Variants in OPRM1 observed in about 807,000 individuals in gnomAD.
OPRM1 encodes mu-type opioid receptor.
In OPRM1, 27 loss-of-function variants were observed where a neutral mutation model predicts 31.8. The ratio of observed to expected loss-of-function variants is 0.85; its 90% confidence interval spans 0.63 to 1.17. The LOEUF is 1.17. Ranked by LOEUF, OPRM1 falls within the 50% of genes most tolerant of loss-of-function variation. OPRM1 has a pLI of 0.00. For synonymous variants in OPRM1, 196 were observed against 189.9 expected, an observed-to-expected ratio of 1.03 and a Z score of -0.26; for missense variants, 536 against 511.1, an observed-to-expected ratio of 1.05 and a Z score of -0.47.
intron 3 of OPRM1, among the ~76,000 whole-genome samples, chr6:154,142,607 C>T (rs1050646606): frequency 2.6e-5 from 4 of 152,166 alleles, no homozygotes; most frequent in Non-Finnish European, 4.4e-5. Flanking sequence ...CAAGGTCAAA[C>T]GGGGCACTTG....
At chr6:154,221,621 C>T (rs1048027487) in intron 3 of OPRM1, among the ~76,000 whole-genome samples, 8 of 152,136 alleles carry the variant, frequency 5.3e-5, no homozygotes, top group African/African-American at 1.9e-4. Flanking sequence ...CGCCTGTAAT[C>T]CTAGCACTTT....
At chr6:154,212,935 A>G (rs1180740998) in intron 3 of OPRM1, 1 of 952,566 alleles carries the variant, frequency 1.0e-6, no homozygotes, top group East Asian at 2.6e-5. Flanking sequence ...GTTTATCTCC[A>G]TCTGGCTATT....
intron 3 of OPRM1, among the ~76,000 whole-genome samples, chr6:154,196,056 C>G (rs898200335): frequency 6.6e-6 from 1 of 152,162 alleles, no homozygotes; most frequent in African/African-American, 2.4e-5. Flanking sequence ...TCACAAAGTG[C>G]TGGGATTACA....
chr6:154,033,079 C>T (rs1479445347), intron 1 of OPRM1, among the ~76,000 whole-genome samples: 1 of 152,088 alleles, frequency 6.6e-6, no homozygotes, highest in Non-Finnish European at 1.5e-5. Context: ...TGCTGGAAAA[C>T]ATCAACATTT....
chr6:154,153,421 C>T (rs1002619498), intron 3 of OPRM1, among the ~76,000 whole-genome samples: 3 of 152,152 alleles, frequency 2.0e-5, no homozygotes, highest in Non-Finnish European at 4.4e-5. Context: ...CGGTGGCTTA[C>T]GCCTGTAATC....
chr6:154,140,305 A>G (rs569694360), intron 3 of OPRM1, among the ~76,000 whole-genome samples: 69 of 151,780 alleles, frequency 4.5e-4, no homozygotes, highest in African/African-American at 1.6e-3. Flanking sequence ...TAAAAATAAT[A>G]GAAAGTTTAG....
At chr6:154,041,535 T>C (rs925394740) in intron 1 of OPRM1, among the ~76,000 whole-genome samples, 2 of 152,152 alleles carry the variant, frequency 1.3e-5, no homozygotes, top group Admixed American at 6.5e-5. Flanking sequence ...TTATCTATGC[T>C]AAGTAAATAA....
chr6:154,091,337 A>C lies in OPRM1; in HGVS notation c.1029A>C (p.Glu343Asp), dbSNP rs747061106. Reference sequence around the variant, plus strand: ...CAGTCCTTTATGCATTTCTGGATGAAAACTTCAAACGATGCTTCAGAGAGT... The same window carrying C: ...CAGTCCTTTATGCATTTCTGGATGACAACTTCAAACGATGCTTCAGAGAGT... ...LNPVLYAFLD[E>D]NFKRCFREFC... Residue 343 changes from glutamate to aspartate, a missense_variant, in exon 3 of 4, where the codon GAA (glutamate) becomes GAC (aspartate). Physicochemically the swap from Glu to Asp is conservative, Grantham distance 45. Transcript: ENST00000330432. The C allele has an allele frequency of 2.8e-5, 45 of 1,614,208 alleles. No individual in the cohort carries two copies. In the Admixed American group the frequency reaches 7.5e-4, roughly 27 times the overall value.
chr6:154,143,242 T>C (rs1377214008), intron 3 of OPRM1, among the ~76,000 whole-genome samples: 1 of 152,228 alleles, frequency 6.6e-6, no homozygotes, highest in Non-Finnish European at 1.5e-5. Context: ...GGTATTTTTC[T>C]GAGTTCACTC....
chr6:154,034,169 T>C (rs1779161428), upstream of OPRM1, among the ~76,000 whole-genome samples: 1 of 152,238 alleles, frequency 6.6e-6, no homozygotes, highest in Non-Finnish European at 1.5e-5. Context: ...GTAGAATGCT[T>C]GTCCCAAAGA....
At chr6:154,138,550 G>T (rs914345381) in intron 3 of OPRM1, among the ~76,000 whole-genome samples, 2 of 152,146 alleles carry the variant, frequency 1.3e-5, no homozygotes, top group Non-Finnish European at 1.5e-5. Context: ...GGGAAGGAGC[G>T]TGTCAAGATG....
intron 3 of OPRM1, among the ~76,000 whole-genome samples, chr6:154,096,923 G>A (rs1013706011): frequency 3.9e-5 from 6 of 152,160 alleles, no homozygotes; most frequent in African/African-American, 1.4e-4. Flanking sequence ...CCAAGAATCT[G>A]CCTTTTAAAT....
chr6:154,123,432 T>C lies in OPRM1; in HGVS notation c.*4711T>C, dbSNP rs141883372. Among the ~76,000 whole-genome samples, 201 of 152,334 alleles carry C rather than the reference T, an allele frequency of 1.3e-3. 1 individual carries two copies. Among genetic ancestry groups the C allele is most frequent in the African/African-American group, 4.6e-3 (193 of 41,582 alleles). ...TTCTCCAGGCTGCTCCATTTTTGCC[T>C]GTAGCTATGATTTTTCAGGCAGCCT... is the stretch of plus-strand genomic sequence containing the variant. On this transcript the variant is annotated 3_prime_UTR_variant, in exon 4 of 4. Coordinates refer to ENST00000330432, the MANE Select transcript of OPRM1 (RefSeq NM_000914.5).
intron 3 of OPRM1, among the ~76,000 whole-genome samples, chr6:154,182,960 C>CA (rs1055978687): frequency 6.6e-6 from 1 of 151,676 alleles, no homozygotes; most frequent in Non-Finnish European, 1.5e-5. Context: ...GAAGGCTGAA[C>CA]AAATAAATGC....
chr6:154,208,112 A>G (rs768317732), intron 3 of OPRM1, among the ~76,000 whole-genome samples: 28 of 152,120 alleles, frequency 1.8e-4, no homozygotes, highest in Non-Finnish European at 3.4e-4. Flanking sequence ...GAAGTTGATT[A>G]TATCCCTCCT....
intron 3 of OPRM1, among the ~76,000 whole-genome samples, chr6:154,241,354 G>A (rs1360187650): frequency 6.6e-6 from 1 of 151,354 alleles, no homozygotes; most frequent in Non-Finnish European, 1.5e-5. Context: ...CACACATGGT[G>A]TCAATAAATG....
At chr6:154,094,117 T>A (rs764590495) in intron 3 of OPRM1, 34 of 660,244 alleles carry the variant, frequency 5.1e-5, no homozygotes, top group Non-Finnish European at 7.6e-5. Context: ...TGGATGTTTA[T>A]GTTCTGCCTT....
intron 3 of OPRM1, chr6:154,221,137 T>A: frequency 1.4e-6 from 1 of 721,414 alleles, no homozygotes. Context: ...AATAAATTAA[T>A]CCTTAAAGTA....
At chr6:154,209,206 G>A (rs182514152) in intron 3 of OPRM1, among the ~76,000 whole-genome samples, 60 of 152,114 alleles carry the variant, frequency 3.9e-4, no homozygotes, top group Middle Eastern at 3.4e-3. Flanking sequence ...ATACTGTTGA[G>A]TTCATTATCA....
Sources: gnomAD v4.1 joint callset for allele counts (sites outside exome capture counted in the v4.1 genomes callset) on GRCh38, gnomAD v4.1.1 for gene constraint, MANE v1.5 for transcripts, NCBI Gene and HGNC (gene_info 2026-07-23, HGNC 2026-07-21) for gene names.